The following TEX48 variants were observed in gnomAD, a reference collection of about 807,000 sequenced individuals.
The protein encoded by TEX48 is testis expressed 48.
TEX48 carries 10 observed loss-of-function variants against 13.2 expected under a neutral mutation model. The observed-to-expected ratio is 0.75, with a 90% CI of 0.47 to 1.28. The LOEUF is 1.28. TEX48 is among the 50% of genes most tolerant of loss of function. TEX48 has a pLI of 0.00. For missense variants in TEX48, 116 were observed against 139.4 expected (o/e 0.83, Z 0.84); for synonymous variants, 45 against 52.3 (o/e 0.86, Z 0.60).
chr9:114,681,228 GT>G (rs1431698322), intron 1 of TEX48, among the ~76,000 whole-genome samples: 1 of 152,106 alleles, frequency 6.6e-6, no homozygotes, highest in African/African-American at 2.4e-5. Context: ...TGAAGCGCAG[GT>G]TTGTTGACAC....
At chr9:114,667,139 G>A (rs897415352) in intron 4 of TEX48, among the ~76,000 whole-genome samples, 8 of 152,144 alleles carry the variant, frequency 5.3e-5, no homozygotes, top group African/African-American at 1.9e-4. Flanking sequence ...AGCTAGTGGG[G>A]TTCCTACCTT....
At chr9:114,671,935 T>G in intron 1 of TEX48, 108 bp from the exon 2 acceptor site, 1 of 599,310 alleles carries the variant, frequency 1.7e-6, no homozygotes, top group Non-Finnish European at 3.0e-6. Flanking sequence ...GACATGCACA[T>G]AAACATGCTC....
chr9:114,670,890 T>C (rs1482710975), intron 3 of TEX48, among the ~76,000 whole-genome samples: 1 of 152,152 alleles, frequency 6.6e-6, no homozygotes, highest in Non-Finnish European at 1.5e-5. Context: ...AATAATAATG[T>C]ATTGTGAATA....
chr9:114,670,653 A>T (rs1827930846), intron 3 of TEX48, among the ~76,000 whole-genome samples: 2 of 152,110 alleles, frequency 1.3e-5, no homozygotes, highest in African/African-American at 2.4e-5. Context: ...GAAGTCTCAT[A>T]TTCCAGAGGC....
chr9:114,674,626 C>T (rs1254728937), intron 1 of TEX48, among the ~76,000 whole-genome samples: 3 of 111,980 alleles, frequency 2.7e-5, no homozygotes, highest in African/African-American at 1.1e-4. Flanking sequence ...TCCTTCCTTC[C>T]TTCCTTCCTT....
intron 1 of TEX48, among the ~76,000 whole-genome samples, chr9:114,673,948 G>A (rs759261410): frequency 1.3e-5 from 2 of 151,898 alleles, no homozygotes; most frequent in Non-Finnish European, 2.9e-5. Context: ...TGGGACTACA[G>A]GTGTGCACCA....
intron 1 of TEX48, among the ~76,000 whole-genome samples, chr9:114,674,609 CCTTCCTTCCTT>C: frequency 4.2e-5 from 1 of 23,788 alleles, no homozygotes; most frequent in Non-Finnish European, 1.1e-4. Flanking sequence ...TTCTTTCCTT[CCTTCCTTCCTT>C]CCTTCCTTCC....
chr9:114,671,605 T>C, intron 2 of TEX48, 100 bp from the exon 3 acceptor site: 7 of 1,522,890 alleles, frequency 4.6e-6, no homozygotes, highest in Middle Eastern at 1.7e-4. Context: ...GGTCAGCCTC[T>C]CCCAAGGCAT....
intron 2 of TEX48, 23 bp from the exon 3 acceptor site, chr9:114,671,528 G>A: frequency 6.8e-7 from 1 of 1,479,308 alleles, no homozygotes; most frequent in Non-Finnish European, 8.9e-7. Flanking sequence ...AAGGAATGAG[G>A]GGCATGGGTT....
intron 1 of TEX48, among the ~76,000 whole-genome samples, chr9:114,677,363 T>C (rs1268631025): frequency 6.6e-6 from 1 of 152,242 alleles, no homozygotes; most frequent in Non-Finnish European, 1.5e-5. Context: ...TTATTTCATT[T>C]TCCTATAATT....
rs535653188 is a variant in TEX48 at position 114,675,803 on chromosome 9, C to G, written c.-104-3976G>C. ...TCTTCTCTGGGTTGCACTCACCGCCCTACAGCCATAAGAGATGCTGTATAG... is the reference window on the plus strand; with the variant it reads ...TCTTCTCTGGGTTGCACTCACCGCCGTACAGCCATAAGAGATGCTGTATAG... On this transcript the variant is annotated intron_variant, in intron 1 of 4. Transcript: ENST00000436752. 2.3e-4 allele frequency among the ~76,000 whole-genome samples: 35 copies of G among 152,364 alleles called. No homozygotes were observed. In the South Asian group the frequency reaches 5.0e-3, roughly 22 times the overall value.
Position 114,671,449 on chromosome 9 carries a change from C to A in TEX48, c.61G>T (p.Glu21Ter). The stretch of plus-strand genomic sequence containing the variant: ...TTGGAGTCATTGATGGCATAGGGCT[C>A]CTGACAGTCCCTGCAGCATAAACAG... The part of the protein sequence containing the change: ...IFCLCCRDCQ[E>*]PYAINDSKVP... Residue 21 changes from glutamate to a stop codon, truncating the protein, a stop_gained, in exon 3 of 5, where the codon GAG becomes TAG. Coordinates refer to ENST00000436752, the MANE Select transcript of TEX48 (RefSeq NM_001199233.2). LOFTEE classifies it high-confidence loss of function. 6.5e-7 allele frequency: 1 copy of A among 1,535,462 alleles called. No individual in the cohort carries two copies. The highest frequency in any genetic ancestry group is 8.7e-7 in the Non-Finnish European group (1 of 1,146,828).
At chr9:114,673,086 A>G (rs1827978705) in intron 1 of TEX48, among the ~76,000 whole-genome samples, 1 of 152,224 alleles carries the variant, frequency 6.6e-6, no homozygotes, top group South Asian at 2.1e-4. Context: ...GACGAAGGGC[A>G]GAAAAAATAT....
At chr9:114,680,120 CCTTTTTTT>C (rs1156642728) in intron 1 of TEX48, among the ~76,000 whole-genome samples, 10 of 52,126 alleles carry the variant, frequency 1.9e-4, no homozygotes, top group Non-Finnish European at 3.0e-4. Context: ...TGTCATTGTC[CCTTTTTTT>C]TTTTTTTTTT....
intron 1 of TEX48, among the ~76,000 whole-genome samples, chr9:114,681,325 C>T (rs557711426): frequency 6.6e-6 from 1 of 152,188 alleles, no homozygotes; most frequent in African/African-American, 2.4e-5. Context: ...TAAGTGTTGA[C>T]AGCAGAGAGC....
chr9:114,673,933 G>C (rs2133761960), intron 1 of TEX48, among the ~76,000 whole-genome samples: 1 of 151,930 alleles, frequency 6.6e-6, no homozygotes. Context: ...AGCCTCCCCA[G>C]TAGCTGGGAC....
chr9:114,668,285 G>A lies in TEX48; in HGVS notation c.180C>T (p.Asn60=), dbSNP rs556323205. ...ELDRQNPKRI[N]AVSHLPSRTP... The stretch of plus-strand genomic sequence containing the variant: ...TTCTCGAAGGCAAATGGGAGACTGC[G>A]TTAATGCGCTTGGGATTTTGTCTGT... The change falls in exon 4 of 5, where the codon AAC becomes AAT. Residue 60 remains asparagine (N), a synonymous_variant. Transcript: ENST00000436752. The A allele has an allele frequency of 8.5e-5, 131 of 1,535,696 alleles. No individual in the cohort carries two copies. The highest frequency in any genetic ancestry group is 1.1e-4 in the Non-Finnish European group (124 of 1,146,894).
At chr9:114,674,967 A>C (rs976332004) in intron 1 of TEX48, among the ~76,000 whole-genome samples, 1 of 151,004 alleles carries the variant, frequency 6.6e-6, no homozygotes, top group Non-Finnish European at 1.5e-5. Flanking sequence ...CACCGTGCCC[A>C]GCTTCATTTC....
chr9:114,674,363 T>C (rs79362752), intron 1 of TEX48, among the ~76,000 whole-genome samples: 9,177 of 152,180 alleles, frequency 0.06, 318 homozygotes, highest in South Asian at 0.12. Context: ...ACTCTCTGCC[T>C]GGAATTCAGT....
Sources: gnomAD v4.1 joint callset for allele counts (sites outside exome capture counted in the v4.1 genomes callset) on GRCh38, gnomAD v4.1.1 for gene constraint, MANE v1.5 for transcripts, NCBI Gene and HGNC (gene_info 2026-07-23, HGNC 2026-07-21) for gene names.